NR2F1-AS1: variants seen among roughly 807,000 people sequenced by gnomAD.
NR2F1-AS1 encodes NR2F1 regulatory antisense RNA 1.
At position 93,525,808 on chromosome 5, in the gene NR2F1-AS1, T is replaced by C. The variant is rs1426353614; in HGVS notation, n.638+27953A>G. Among the ~76,000 whole-genome samples, 6 of 152,020 alleles carry C rather than the reference T, an allele frequency of 3.9e-5. No individual in the cohort carries two copies. In the South Asian group the frequency reaches 1.2e-3, roughly 32 times the overall value. ...AAATAAATAAGTTCTTAGAAACCAA[T>C]GAGAACAAAGAGATAACATACCAAA... On this transcript the variant is annotated intron_variant and non_coding_transcript_variant, in intron 4 of 5. Coordinates refer to ENST00000660523, the Ensembl canonical transcript of NR2F1-AS1.
At chr5:93,526,978 T>C (rs1007346430) in intron 4 of NR2F1-AS1, among the ~76,000 whole-genome samples, 2 of 152,154 alleles carry the variant, frequency 1.3e-5, no homozygotes, top group African/African-American at 4.8e-5. Flanking sequence ...TTCAACACAG[T>C]ACTGGAAGTT....
intron 4 of NR2F1-AS1, among the ~76,000 whole-genome samples, chr5:93,494,876 T>C (rs1750925564): frequency 6.6e-6 from 1 of 152,126 alleles, no homozygotes; most frequent in African/African-American, 2.4e-5. Context: ...GATAAACAAA[T>C]TGTGGTATTG....
intron 4 of NR2F1-AS1, among the ~76,000 whole-genome samples, chr5:93,461,727 A>G (rs1027678982): frequency 6.6e-6 from 1 of 152,162 alleles, no homozygotes; most frequent in Non-Finnish European, 1.5e-5. Flanking sequence ...TAAATATTGG[A>G]TTTTTAAATA....
At chr5:93,426,859 T>G (rs557542459) in intron 4 of NR2F1-AS1, among the ~76,000 whole-genome samples, 1 of 152,316 alleles carries the variant, frequency 6.6e-6, no homozygotes, top group African/African-American at 2.4e-5. Flanking sequence ...TACATCAGTT[T>G]TTAGAGATCC....
intron 4 of NR2F1-AS1, among the ~76,000 whole-genome samples, chr5:93,434,658 G>A (rs1749396731): frequency 6.6e-6 from 1 of 152,166 alleles, no homozygotes; most frequent in East Asian, 1.9e-4. Flanking sequence ...AATGTAATAT[G>A]TAGAACTTAT....
At chr5:93,518,359 G>C (rs72786617) in intron 4 of NR2F1-AS1, among the ~76,000 whole-genome samples, 1 of 152,010 alleles carries the variant, frequency 6.6e-6, no homozygotes, top group Non-Finnish European at 1.5e-5. Flanking sequence ...TAGTGTATTG[G>C]ATTACTACAA....
At chr5:93,552,788 A>G (rs947966885) in intron 4 of NR2F1-AS1, among the ~76,000 whole-genome samples, 6 of 152,198 alleles carry the variant, frequency 3.9e-5, no homozygotes, top group South Asian at 4.1e-4. Context: ...CCAAAGCAAC[A>G]TAAGTGACTG....
intron 4 of NR2F1-AS1, among the ~76,000 whole-genome samples, chr5:93,415,958 C>G (rs1359478799): frequency 6.6e-6 from 1 of 152,210 alleles, no homozygotes; most frequent in Non-Finnish European, 1.5e-5. Flanking sequence ...TGACTGCTTT[C>G]ATTTCACCAC....
At chr5:93,569,776 G>A (rs1561509762) in intron 1 of NR2F1-AS1, 1 of 152,240 alleles carries the variant, frequency 6.6e-6, no homozygotes. Context: ...AATTGGCTGA[G>A]CTTAGGCCAG....
intron 4 of NR2F1-AS1, among the ~76,000 whole-genome samples, chr5:93,545,342 AC>A (rs1273903564): frequency 6.6e-6 from 1 of 152,122 alleles, no homozygotes; most frequent in Non-Finnish European, 1.5e-5. Context: ...CTGGTGACCT[AC>A]CCCCAGTCCC....
At chr5:93,580,912 G>A (rs1325756892), upstream of NR2F1-AS1, 2 of 152,324 alleles carry the variant, frequency 1.3e-5, no homozygotes, top group Non-Finnish European at 2.9e-5. Context: ...CGCTCGCGGA[G>A]TGCATTGACA....
At chr5:93,426,247 C>T (rs1327924427) in intron 4 of NR2F1-AS1, among the ~76,000 whole-genome samples, 1 of 150,128 alleles carries the variant, frequency 6.7e-6, no homozygotes, top group African/African-American at 2.5e-5. Flanking sequence ...GGGGTTTCAC[C>T]ATGTTGGCCA....
chr5:93,507,638 A>T (rs1276953006), intron 4 of NR2F1-AS1, among the ~76,000 whole-genome samples: 2 of 152,160 alleles, frequency 1.3e-5, no homozygotes, highest in South Asian at 4.1e-4. Flanking sequence ...GATTACAGGC[A>T]TGAAACACCA....
rs574886486 is a variant in NR2F1-AS1 at position 93,426,744 on chromosome 5, A to C, written n.639-31202T>G. Among the ~76,000 whole-genome samples, 45 of 152,334 alleles carry C rather than the reference A, an allele frequency of 3.0e-4. 1 individual carries two copies. The highest frequency in any genetic ancestry group is 9.6e-4 in the African/African-American group (40 of 41,576). ...AAGCCCTTTTTATTGCCATCTGAGA[A>C]GAGTGGGAAAAAGGTAAAAGGAAGA... On this transcript the variant is annotated intron_variant and non_coding_transcript_variant, in intron 4 of 5. Transcript: ENST00000660523.
chr5:93,473,633 G>C (rs552017444), intron 4 of NR2F1-AS1, among the ~76,000 whole-genome samples: 1 of 150,558 alleles, frequency 6.6e-6, no homozygotes, highest in South Asian at 2.1e-4. Flanking sequence ...TATATATAAA[G>C]TATGCTTCAA....
upstream of NR2F1-AS1, among the ~76,000 whole-genome samples, chr5:93,581,721 TCTCTCTCTCTCTCCCC>T (rs1224067966): frequency 1.2e-4 from 7 of 58,674 alleles, no homozygotes; most frequent in African/African-American, 3.9e-4. Flanking sequence ...TCTCTCTCTC[TCTCTCTCTCTCTCCCC>T]CTCTCCCTCT....
chr5:93,552,748 C>T (rs1307922692), intron 4 of NR2F1-AS1, among the ~76,000 whole-genome samples: 1 of 150,128 alleles, frequency 6.7e-6, no homozygotes, highest in Non-Finnish European at 1.5e-5. Context: ...ATGGTGATAA[C>T]TCAAGTGAAA....
chr5:93,485,460 A>G (rs1408113840), intron 4 of NR2F1-AS1, among the ~76,000 whole-genome samples: 4 of 151,506 alleles, frequency 2.6e-5, no homozygotes, highest in African/African-American at 9.8e-5. Flanking sequence ...CAGTTGAAGC[A>G]GTGTTTAGAG....
intron 4 of NR2F1-AS1, among the ~76,000 whole-genome samples, chr5:93,438,353 G>T (rs1328430607): frequency 6.6e-6 from 1 of 152,104 alleles, no homozygotes; most frequent in Non-Finnish European, 1.5e-5. Flanking sequence ...CTCAATCTTC[G>T]TACAAGCATC....
Sources: gnomAD v4.1 joint callset for allele counts (sites outside exome capture counted in the v4.1 genomes callset) on GRCh38, gnomAD v4.1.1 for gene constraint, MANE v1.5 for transcripts, NCBI Gene and HGNC (gene_info 2026-07-23, HGNC 2026-07-21) for gene names.